The following FMN1 variants were observed in gnomAD, a reference collection of about 807,000 sequenced individuals.
FMN1 encodes the protein formin 1.
FMN1 carries 110 observed loss-of-function variants against 132.4 expected under a neutral mutation model. The observed-to-expected ratio is 0.83, with a 90% CI of 0.71 to 0.97. FMN1 has a LOEUF of 0.97. FMN1 is among the 50% of genes least tolerant of loss of function. FMN1 has a pLI of 0.00. For synonymous variants in FMN1, 722 were observed against 651.7 expected (o/e 1.11, Z -1.64); for missense variants, 1,792 against 1,705.3 (o/e 1.05, Z -0.90).
intron 12 of FMN1, among the ~76,000 whole-genome samples, chr15:32,905,342 C>A (rs906039802): frequency 2.0e-5 from 3 of 152,204 alleles, no homozygotes; most frequent in Admixed American, 6.5e-5. Flanking sequence ...ATGTTGCAAC[C>A]TGCATTCTTC....
At chr15:32,925,718 T>C (rs146081735) in intron 10 of FMN1, among the ~76,000 whole-genome samples, 88 of 152,288 alleles carry the variant, frequency 5.8e-4, no homozygotes, top group African/African-American at 2.0e-3. Flanking sequence ...TAACTACGAT[T>C]AATGTCTTTG....
chr15:32,930,267 G>A (rs563733851), intron 9 of FMN1, among the ~76,000 whole-genome samples: 32 of 152,146 alleles, frequency 2.1e-4, no homozygotes, highest in Non-Finnish European at 4.0e-4. Flanking sequence ...GATTACAGGC[G>A]TGAGCCACCG....
intron 5 of FMN1, among the ~76,000 whole-genome samples, chr15:33,069,993 C>CTCTCTTTTTTTTTTTTTTT: frequency 1.3e-5 from 1 of 74,290 alleles, no homozygotes; most frequent in Non-Finnish European, 2.5e-5. Flanking sequence ...CAGTCTTTCT[C>CTCTCTTTTTTTTTTTTTTT]TTTTTTTTTT....
chr15:33,068,073 T>A, intron 5 of FMN1: 1 of 1,406,528 alleles, frequency 7.1e-7, no homozygotes, highest in Non-Finnish European at 9.3e-7. Context: ...GTTTGTGCGA[T>A]GATGTGTTCC....
intron 15 of FMN1, among the ~76,000 whole-genome samples, chr15:32,897,705 C>A (rs2060193669): frequency 6.6e-6 from 1 of 152,116 alleles, no homozygotes; most frequent in African/African-American, 2.4e-5. Flanking sequence ...AGGATCAGAG[C>A]TGTGTAAAGA....
chr15:33,108,863 C>T (rs570494097), intron 4 of FMN1, among the ~76,000 whole-genome samples: 1 of 152,164 alleles, frequency 6.6e-6, no homozygotes, highest in Non-Finnish European at 1.5e-5. Flanking sequence ...AAATTTCACA[C>T]ATTGTTGTCT....
At chr15:32,857,305 A>G (rs2059156269) in intron 16 of FMN1, among the ~76,000 whole-genome samples, 198 bp from the exon 17 acceptor site, 2 of 152,206 alleles carry the variant, frequency 1.3e-5, no homozygotes, top group Admixed American at 1.3e-4. Context: ...TAATTAGTTC[A>G]TTCTACACCA....
chr15:33,163,335 C>T (rs1964969662), intron 3 of FMN1, among the ~76,000 whole-genome samples: 1 of 150,126 alleles, frequency 6.7e-6, no homozygotes, highest in Non-Finnish European at 1.5e-5. Context: ...GCTCTCGTTG[C>T]CCAGGCTGGA....
chr15:32,777,490 A>C (rs907752569), intron 19 of FMN1, among the ~76,000 whole-genome samples: 1 of 146,910 alleles, frequency 6.8e-6, no homozygotes, highest in Non-Finnish European at 1.5e-5. Flanking sequence ...TTATATTTAT[A>C]TATTACGTAT....
chr15:32,822,731 C>CT (rs1218768204), intron 17 of FMN1, among the ~76,000 whole-genome samples: 3 of 152,124 alleles, frequency 2.0e-5, no homozygotes, highest in Non-Finnish European at 4.4e-5. Context: ...TTCTTACTCT[C>CT]TTTTAAAAAT....
chr15:33,139,100 T>C (rs1208841775), intron 4 of FMN1, among the ~76,000 whole-genome samples: 2 of 152,220 alleles, frequency 1.3e-5, no homozygotes, highest in Non-Finnish European at 2.9e-5. Context: ...ACTTAATTAA[T>C]GAAAAAGTAG....
rs1179562560 is a variant in FMN1, at chr15:32,969,151, G to T, written c.2550C>A (p.Ile850=). 6.2e-6 allele frequency: 10 copies of T among 1,613,938 alleles called. No individual in the cohort carries two copies. Among genetic ancestry groups the T allele is most frequent in the Admixed American group, 1.7e-5 (1 of 60,016 alleles). Residue 850 remains isoleucine (I), a synonymous_variant, in exon 8 of 21, where the codon ATC becomes ATA. Transcript: ENST00000616417. Reference sequence around the variant, plus strand: ...CCTCCATTGGCTGGAGTGCTGCATGGATGTCTTTGTGGTCATTTGGGGGTG... The same window carrying T: ...CCTCCATTGGCTGGAGTGCTGCATGTATGTCTTTGTGGTCATTTGGGGGTG... ...QLSPPNDHKD[I]HAALQPMEGM... is the part of the protein sequence containing the mutation.
At chr15:33,068,133 C>G (rs1364774693) in intron 5 of FMN1, 17 of 835,172 alleles carry the variant, frequency 2.0e-5, no homozygotes, top group Non-Finnish European at 2.8e-5. Context: ...GCAGCCGAGG[C>G]TGCGCACCTT....
At chr15:32,880,125 C>T (rs1352912759) in intron 16 of FMN1, among the ~76,000 whole-genome samples, 1 of 151,896 alleles carries the variant, frequency 6.6e-6, no homozygotes, top group Non-Finnish European at 1.5e-5. Context: ...TCTTCACTTC[C>T]ATCACCCCAA....
chr15:33,083,675 G>A (rs529702602), intron 5 of FMN1, among the ~76,000 whole-genome samples: 6 of 152,268 alleles, frequency 3.9e-5, no homozygotes, highest in East Asian at 1.9e-4. Flanking sequence ...TGTCAGAGAC[G>A]TTTGAACCAC....
chr15:33,143,826 T>G (rs1964103324), intron 4 of FMN1, among the ~76,000 whole-genome samples: 1 of 152,318 alleles, frequency 6.6e-6, no homozygotes, highest in African/African-American at 2.4e-5. Flanking sequence ...AAAGCATGCA[T>G]CCAAAGTAAA....
At chr15:33,138,662 C>T (rs35695671) in intron 4 of FMN1, among the ~76,000 whole-genome samples, 11,116 of 152,144 alleles carry the variant, frequency 0.073, 463 homozygotes, top group African/African-American at 0.086. Context: ...AAACAAAGCT[C>T]TGATTATTCT....
chr15:32,908,422 T>A, intron 12 of FMN1, 68 bp downstream of exon 12: 1 of 1,016,690 alleles, frequency 9.8e-7, no homozygotes, highest in South Asian at 1.3e-5. Flanking sequence ...TATTCTGAGC[T>A]GGGAGACAAG....
intron 19 of FMN1, among the ~76,000 whole-genome samples, chr15:32,777,836 A>G (rs1266193830): frequency 9.7e-6 from 1 of 103,472 alleles, no homozygotes; most frequent in Non-Finnish European, 1.8e-5. Context: ...TATGTATAAT[A>G]TATAATACAT....
Sources: gnomAD v4.1 joint callset for allele counts (sites outside exome capture counted in the v4.1 genomes callset) on GRCh38, gnomAD v4.1.1 for gene constraint, MANE v1.5 for transcripts, NCBI Gene and HGNC (gene_info 2026-07-23, HGNC 2026-07-21) for gene names.